Variants in CFAP74 observed in about 807,000 individuals in gnomAD.
The protein encoded by CFAP74 is cilia- and flagella-associated protein 74.
A neutral mutation model predicts 188.9 loss-of-function variants in CFAP74; 124 were observed. The ratio of observed to expected loss-of-function variants is 0.66; its 90% CI spans 0.57 to 0.76. The LOEUF (loss-of-function observed/expected upper bound fraction) is 0.76, where lower values mean the gene tolerates loss of function less well. CFAP74 is among the 30% of genes least tolerant of loss of function. CFAP74 has a pLI of 0.00. For missense variants in CFAP74, 2,198 were observed against 2,165.2 expected, an observed-to-expected ratio of 1.02 and a Z score of -0.30; for synonymous variants, 956 against 916.7, an observed-to-expected ratio of 1.04 and a Z score of -0.77.
chr1:1,985,270 G>A (rs553671516), intron 6 of CFAP74, 116 bp downstream of exon 6: 4 of 790,482 alleles, frequency 5.1e-6, no homozygotes, highest in South Asian at 3.1e-5. Context: ...CCACTTCCCC[G>A]CAGTTTGCCG....
chr1:1,978,900 C>T (rs1021458841), intron 6 of CFAP74, among the ~76,000 whole-genome samples: 1 of 152,198 alleles, frequency 6.6e-6, no homozygotes, highest in Non-Finnish European at 1.5e-5. Context: ...GCCTCTTCTT[C>T]GTGCTGAGCT....
intron 25 of CFAP74, among the ~76,000 whole-genome samples, chr1:1,931,203 G>A (rs1043488053): frequency 2.4e-4 from 37 of 152,110 alleles, no homozygotes; most frequent in African/African-American, 8.7e-4. Flanking sequence ...GCCGAGGAGG[G>A]CGGATCACGA....
Position 1,973,642 on chromosome 1 carries a change from G to A in CFAP74, c.674+383C>T, listed in dbSNP as rs1268655027. On this transcript the variant is annotated intron_variant, in intron 7 of 38. Transcript: ENST00000682832. The surrounding 1 kb of genome is among the most constrained non-coding windows in gnomAD (Gnocchi z 6.2). Reference sequence around the variant, plus strand: ...CTCCACAGCCACGCAGGTGGGGGCCGTGGGAGGGGTGCAAAGGAGCAGCCA... The same window carrying A: ...CTCCACAGCCACGCAGGTGGGGGCCATGGGAGGGGTGCAAAGGAGCAGCCA... Among the ~76,000 whole-genome samples the A allele has an allele frequency of 7.2e-5, 11 of 152,090 alleles. No individual in the cohort carries two copies. The highest frequency in any genetic ancestry group is 1.6e-4 in the Non-Finnish European group (11 of 68,018).
chr1:1,986,425 C>T (rs1237315605), intron 5 of CFAP74, among the ~76,000 whole-genome samples: 1 of 152,128 alleles, frequency 6.6e-6, no homozygotes, highest in African/African-American at 2.4e-5. Context: ...GCACTAGCCC[C>T]TCCAGGTCGG....
rs563823588 is a variant in CFAP74 at position 1,922,649 on chromosome 1, G to A, written c.4758C>T (p.Ser1586=). The A allele has an allele frequency of 1.1e-5, 17 of 1,603,498 alleles. No individual in the cohort carries two copies. The highest frequency in any genetic ancestry group is 2.7e-5 in the African/African-American group (2 of 74,880). Residue 1586 remains serine (S), a synonymous_variant, in exon 38 of 39, where the codon TCC becomes TCT. Coordinates refer to ENST00000682832, the MANE Select transcript of CFAP74 (RefSeq NM_001304360.2). ...TGGTCTTCGTCTGGCCGCGCTCCAC[G>A]GAGCCCCTGGAGGGCTCAATAGAGA... ...KGFSIEPSRG[S]VERGQTKTIS...
At chr1:1,993,391 C>A (rs1431130383) in intron 1 of CFAP74, among the ~76,000 whole-genome samples, 1 of 151,466 alleles carries the variant, frequency 6.6e-6, no homozygotes, top group African/African-American at 2.4e-5. Flanking sequence ...CTCAATTGAT[C>A]CTCCTGCTTC....
intron 20 of CFAP74, 57 bp from the exon 21 acceptor site, chr1:1,944,509 T>C (rs1653617305): frequency 3.9e-6 from 6 of 1,520,570 alleles, no homozygotes; most frequent in South Asian, 1.2e-5. Flanking sequence ...GCAGGCATTG[T>C]TGGTGAGCAC....
chr1:2,002,790 T>TTA (rs1369711156), intron 1 of CFAP74, among the ~76,000 whole-genome samples: 1 of 150,156 alleles, frequency 6.7e-6, no homozygotes. Context: ...TATATATTGT[T>TTA]TATATAACAC....
At chr1:1,955,963 G>T in intron 17 of CFAP74, 113 bp from the exon 18 acceptor site, 2 of 1,453,076 alleles carry the variant, frequency 1.4e-6, no homozygotes, top group East Asian at 2.4e-5. Context: ...CCTGGCTCCA[G>T]CGTGGCCCCT....
intron 18 of CFAP74, among the ~76,000 whole-genome samples, chr1:1,952,951 C>T (rs1462062190): frequency 6.6e-6 from 1 of 152,148 alleles, no homozygotes; most frequent in Admixed American, 6.5e-5. Flanking sequence ...AGCTGCTGCA[C>T]CCAGCCTCAA....
intron 1 of CFAP74, among the ~76,000 whole-genome samples, chr1:1,993,905 C>A (rs1408093407): frequency 2.7e-5 from 4 of 150,836 alleles, no homozygotes; most frequent in African/African-American, 4.9e-5. Flanking sequence ...TGGCGTGAAC[C>A]CGGGAGGCGG....
chr1:1,962,283 C>T (rs1288571425), intron 14 of CFAP74, among the ~76,000 whole-genome samples: 2 of 151,982 alleles, frequency 1.3e-5, no homozygotes, highest in South Asian at 2.1e-4. Context: ...CATGACCAGC[C>T]TGGCCAACAT....
chr1:1,948,359 G>GCTCAAGCGAT (rs1558014088), intron 18 of CFAP74, among the ~76,000 whole-genome samples: 10 of 149,932 alleles, frequency 6.7e-5, no homozygotes, highest in African/African-American at 2.2e-4. Flanking sequence ...TGCAGCCTCG[G>GCTCAAGCGAT]CCTCCTGGTT....
At chr1:1,944,541 C>A in intron 20 of CFAP74, 89 bp from the exon 21 acceptor site, 1 of 1,370,532 alleles carries the variant, frequency 7.3e-7, no homozygotes, top group Non-Finnish European at 9.9e-7. Context: ...CCAGGAGGAA[C>A]GTTTCATGGG....
At position 1,923,610 on chromosome 1, in the gene CFAP74, T is replaced by C; in HGVS notation, c.4390-111A>G. ...AAGCAGGGACGGCCTGGGGGCCCCG[T>C]GGGGCCCTGGACTCTGGTCTTTCCA... is the stretch of plus-strand genomic sequence containing the variant. On this transcript the variant is annotated intron_variant, in intron 35 of 38. Coordinates refer to ENST00000682832, the MANE Select transcript of CFAP74 (RefSeq NM_001304360.2). The surrounding 1 kb of genome is among the most constrained non-coding windows in gnomAD (Gnocchi z 6.3). The C allele has an allele frequency of 1.3e-6, 2 of 1,515,302 alleles. No individual in the cohort carries two copies. Among genetic ancestry groups the C allele is most frequent in the Non-Finnish European group, 1.8e-6 (2 of 1,120,306 alleles). 93.9% of individuals were successfully genotyped at this position (1,515,302 alleles called of 1,614,324 possible).
chr1:1,987,256 G>A (rs1558061517), intron 4 of CFAP74, among the ~76,000 whole-genome samples: 1 of 152,230 alleles, frequency 6.6e-6, no homozygotes, highest in Non-Finnish European at 1.5e-5. Flanking sequence ...CCCACCCGAA[G>A]GTGACATGCT....
In CFAP74 at chr1:1,972,018, C is replaced by A; in HGVS notation, c.850G>T (p.Ala284Ser). The A allele has an allele frequency of 6.2e-7, 1 of 1,612,760 alleles. No individual in the cohort carries two copies. Among genetic ancestry groups the A allele is most frequent in the Non-Finnish European group, 8.5e-7 (1 of 1,180,010 alleles). Reference sequence around the variant, plus strand: ...ATGCTGCCCTTCAGCGCCACCACCGCATCCATGCGTCGCCTCATGTACTCG... The same window carrying A: ...ATGCTGCCCTTCAGCGCCACCACCGAATCCATGCGTCGCCTCATGTACTCG... ...CHEYMRRRMD[A>S]VVALKGSISA... The change falls in exon 9 of 39, where the codon GCG (alanine) becomes TCG (serine). Residue 284 changes from alanine to serine, a missense_variant. Transcript: ENST00000682832.
At chr1:1,981,834 C>T (rs1479762096) in intron 6 of CFAP74, among the ~76,000 whole-genome samples, 2 of 84,112 alleles carry the variant, frequency 2.4e-5, no homozygotes, top group East Asian at 4.2e-4. Flanking sequence ...CGGACAGACA[C>T]GGGGGCACGC....
At chr1:1,934,941 AC>A (rs1652759962) in intron 25 of CFAP74, among the ~76,000 whole-genome samples, 5 of 76,442 alleles carry the variant, frequency 6.5e-5, no homozygotes, top group Admixed American at 1.6e-4. Flanking sequence ...ACAGGTGTGT[AC>A]GTGGGTGTTA....
Sources: allele counts gnomAD v4.1 joint callset (sites outside exome capture counted in the v4.1 genomes callset), GRCh38; gene constraint gnomAD v4.1.1; non-coding constraint Gnocchi (gnomAD v3.1); transcripts MANE v1.5; gene names NCBI Gene and HGNC (gene_info 2026-07-23, HGNC 2026-07-21).